The following AGMAT variants were observed in gnomAD, a reference collection of about 807,000 sequenced individuals.
AGMAT encodes the protein guanidino acid hydrolase, mitochondrial.
Under a neutral mutation model 29.3 loss-of-function variants are expected in AGMAT, and 37 were observed. That is an observed-to-expected ratio of 1.26 (90% CI 0.97 to 1.66). The LOEUF (loss-of-function observed/expected upper bound fraction) is 1.66, where lower values mean the gene tolerates loss of function less well. Among genes scored for constraint, AGMAT ranks in the 40% most tolerant of loss-of-function variants. AGMAT has a pLI of 0.00. For synonymous variants in AGMAT, 199 were observed against 200.8 expected (o/e 0.99, Z 0.08); for missense variants, 498 against 497.8 (o/e 1.00, Z 0.00).
At chr1:15,581,261 T>A (rs1232352918) in intron 2 of AGMAT, among the ~76,000 whole-genome samples, 2 of 151,442 alleles carry the variant, frequency 1.3e-5, no homozygotes, top group African/African-American at 4.9e-5. Flanking sequence ...AGTGGAAGGA[T>A]CACCTGAGCC....
intron 5 of AGMAT, chr1:15,576,136 CTT>C (rs1450479401): frequency 6.6e-6 from 1 of 152,248 alleles, no homozygotes; most frequent in Non-Finnish European, 1.5e-5. Flanking sequence ...GAGTTTCACT[CTT>C]GTTGCCCAGA....
chr1:15,580,107 C>A lies in AGMAT; in HGVS notation c.511G>T (p.Ala171Ser), dbSNP rs775273729. The change falls in exon 3 of 7, where the codon GCG (alanine) becomes TCG (serine). Residue 171 changes from alanine (A) to serine (S), a missense_variant. Coordinates refer to ENST00000375826, the MANE Select transcript of AGMAT (RefSeq NM_024758.5). ...TTTGAGACTTACTTTTTTGCCATCG[C>A]TTGCAATATGGGATATGTGATTGTG... ...DHTITYPILQ[A>S]MAKKHGPVGL... 2.5e-6 allele frequency: 4 copies of A among 1,612,874 alleles called. No homozygotes were observed. The Admixed American group carries it at 6.7e-5, about 27-fold the overall frequency.
rs1421710876 is a variant in AGMAT at position 15,573,580 on chromosome 1, C to CTGCT, written c.*67_*70dup. 12 of 1,425,582 alleles carry CTGCT rather than the reference C, an allele frequency of 8.4e-6. No individual in the cohort carries two copies. The highest frequency in any genetic ancestry group is 1.1e-5 in the Non-Finnish European group (11 of 1,010,714). The allele number at this position is 1,425,582 out of a possible 1,614,324, so 88.3% of individuals were successfully genotyped here. On this transcript the variant is annotated 3_prime_UTR_variant, in exon 7 of 7. Transcript: ENST00000375826. Reference sequence around the variant, plus strand: ...TGGCATAAACTCTTTAGTTCTCAGACTGCTTACTCATAAGTTCTTCTTGAG... The same window carrying CTGCT: ...TGGCATAAACTCTTTAGTTCTCAGACTGCTTGCTTACTCATAAGTTCTTCTTGAG...
intron 1 of AGMAT, among the ~76,000 whole-genome samples, chr1:15,583,677 GACTAAATAAGTGT>G (rs1639146500): frequency 6.6e-6 from 1 of 152,164 alleles, no homozygotes; most frequent in Non-Finnish European, 1.5e-5. Flanking sequence ...GTATCGAAGA[GACTAAATAAGTGT>G]ACTAAATGGC....
intron 3 of AGMAT, among the ~76,000 whole-genome samples, chr1:15,579,531 C>T (rs913145777): frequency 1.3e-5 from 2 of 152,204 alleles, no homozygotes; most frequent in Non-Finnish European, 1.5e-5. Flanking sequence ...CTCCCACCTC[C>T]AACCAGAATG....
chr1:15,584,615 G>T (rs756121114), intron 1 of AGMAT, 81 bp downstream of exon 1: 6 of 1,235,444 alleles, frequency 4.9e-6, no homozygotes, highest in Non-Finnish European at 6.1e-6. Context: ...CAGCAGGGGC[G>T]CCTGTCTCGG....
chr1:15,582,460 AC>A (rs1168583509), intron 2 of AGMAT, among the ~76,000 whole-genome samples: 1 of 152,124 alleles, frequency 6.6e-6, no homozygotes, highest in Non-Finnish European at 1.5e-5. Flanking sequence ...GAGACTTCAA[AC>A]CATGCCATCG....
intron 4 of AGMAT, 59 bp downstream of exon 4, chr1:15,578,800 G>A (rs984756588): frequency 2.5e-6 from 4 of 1,573,494 alleles, no homozygotes; most frequent in Non-Finnish European, 3.5e-6. Context: ...TGCCACTGGT[G>A]AGGCAACGGA....
chr1:15,572,665 T>TTTTCTAG lies in AGMAT; in HGVS notation c.*979_*985dup, dbSNP rs1184761477. The TTTTCTAG allele has an allele frequency of 6.6e-6, 1 of 151,822 alleles. No homozygotes were observed. Among genetic ancestry groups the TTTTCTAG allele is most frequent in the East Asian group, 1.9e-4 (1 of 5,152 alleles). 9.4% of individuals were successfully genotyped at this position (151,822 alleles called of 1,614,324 possible). A position where few individuals can be genotyped will look rare whatever the true frequency, so the allele number is the denominator to read the frequency against. On this transcript the variant is annotated 3_prime_UTR_variant, in exon 7 of 7. Transcript: ENST00000375826. The stretch of plus-strand genomic sequence containing the variant: ...ATGAGCCACCGTGTCCAGCCTTAGG[T>TTTTCTAG]TTTCTAGTTTAGAAGACATTTTGTG...
At chr1:15,576,590 G>T (rs7525263) in intron 5 of AGMAT, among the ~76,000 whole-genome samples, 43,809 of 149,108 alleles carry the variant, frequency 0.29, 7,513 homozygotes, top group African/African-American at 0.47. Context: ...CCACCGTGCC[G>T]GGCTGATTTT....
At chr1:15,580,780 A>G (rs1373372143) in intron 2 of AGMAT, among the ~76,000 whole-genome samples, 3 of 151,938 alleles carry the variant, frequency 2.0e-5, no homozygotes, top group African/African-American at 7.2e-5. Context: ...GTTCAAGACC[A>G]GCCTGACCAA....
Position 15,583,373 on chromosome 1 carries a change from C to T in AGMAT, c.295G>A (p.Glu99Lys), listed in dbSNP as rs1349790837. ...ACTGTCCCAAGCATCACTGATTCTT[C>T]CCGGATGCGGCGAGGTCCGAATCTG... ...GARFGPRRIR[E>K]ESVMLGTVNP... The change falls in exon 2 of 7, where the codon GAA (glutamate) becomes AAA (lysine). Residue 99 changes from glutamate to lysine, a missense_variant. Physicochemically the swap from Glu to Lys is moderately conservative, Grantham distance 56. Transcript: ENST00000375826. 6.2e-7 allele frequency: 1 copy of T among 1,613,912 alleles called. No homozygotes were observed. Among genetic ancestry groups the T allele is most frequent in the East Asian group, 2.2e-5 (1 of 44,882 alleles).
intron 6 of AGMAT, 69 bp from the exon 7 acceptor site, chr1:15,573,793 C>T (rs1638994026): frequency 1.5e-6 from 2 of 1,364,824 alleles, no homozygotes; most frequent in African/African-American, 1.4e-5. Flanking sequence ...TGGGACTCCT[C>T]AGCTTTCTCT....
At chr1:15,580,018 C>A (rs930015499) in intron 3 of AGMAT, 76 bp downstream of exon 3, 2 of 1,404,424 alleles carry the variant, frequency 1.4e-6, no homozygotes, top group Non-Finnish European at 2.0e-6. Flanking sequence ...CACCTAATGC[C>A]ACCAAACAGC....
At chr1:15,579,986 C>A in intron 3 of AGMAT, 108 bp downstream of exon 3, 1 of 1,021,542 alleles carries the variant, frequency 9.8e-7, no homozygotes, top group South Asian at 1.3e-5. Flanking sequence ...AGAAGCAGCT[C>A]ATAACCTGAG....
chr1:15,577,673 G>A lies in AGMAT; in HGVS notation c.900+12C>T, dbSNP rs760803794. 1 of 1,600,956 alleles carries A rather than the reference G, an allele frequency of 6.2e-7. No individual in the cohort carries two copies. Among genetic ancestry groups the A allele is most frequent in the Non-Finnish European group, 8.5e-7 (1 of 1,169,832 alleles). On this transcript the variant is annotated intron_variant, in intron 5 of 6. Transcript: ENST00000375826. Reference sequence around the variant, plus strand: ...TCCACCCCCAGGATCTTCACTGGTGGAATCTCCTTACCTGACTAGGAGTGA... The same window carrying A: ...TCCACCCCCAGGATCTTCACTGGTGAAATCTCCTTACCTGACTAGGAGTGA...
chr1:15,584,096 C>T (rs948651826), intron 1 of AGMAT, among the ~76,000 whole-genome samples: 1 of 152,300 alleles, frequency 6.6e-6, no homozygotes, highest in South Asian at 2.1e-4. Context: ...GCCATCCCAG[C>T]AAGGCCCCAG....
chr1:15,582,596 G>A (rs1049499679), intron 2 of AGMAT, among the ~76,000 whole-genome samples: 1 of 152,238 alleles, frequency 6.6e-6, no homozygotes, highest in African/African-American at 2.4e-5. Flanking sequence ...AAAAGTGAGA[G>A]TGGGTCAGGG....
chr1:15,578,210 G>A (rs989877071), intron 4 of AGMAT, among the ~76,000 whole-genome samples: 3 of 152,140 alleles, frequency 2.0e-5, no homozygotes, highest in African/African-American at 7.2e-5. Flanking sequence ...TGTCATACAC[G>A]TCTATCTGAG....
Sources: allele counts gnomAD v4.1 joint callset (sites outside exome capture counted in the v4.1 genomes callset), GRCh38; gene constraint gnomAD v4.1.1; transcripts MANE v1.5; gene names NCBI Gene and HGNC (gene_info 2026-07-23, HGNC 2026-07-21).